The following RAP1A variants were observed in gnomAD, a reference collection of about 807,000 sequenced individuals.
RAP1A encodes ras-related protein Rap-1A.
In RAP1A, 6 loss-of-function variants were observed where a neutral mutation model predicts 26.4. That is an observed-to-expected ratio of 0.23 (90% CI 0.12 to 0.45). RAP1A has a LOEUF of 0.45. RAP1A is among the 20% of genes least tolerant of loss of function. The pLI, the probability that RAP1A is intolerant of heterozygous loss-of-function variation, is 0.99. For synonymous variants in RAP1A, 73 were observed against 79.4 expected (o/e 0.92, Z 0.43); for missense variants, 121 against 217.2 (o/e 0.56, Z 2.78).
intron 1 of RAP1A, among the ~76,000 whole-genome samples, chr1:111,589,287 A>G (rs1658430246): frequency 6.6e-6 from 1 of 152,170 alleles, no homozygotes; most frequent in African/African-American, 2.4e-5. Context: ...TGGGTATTTC[A>G]ATTTATCCAA....
intron 1 of RAP1A, among the ~76,000 whole-genome samples, chr1:111,681,845 A>G (rs1410532956): frequency 6.6e-6 from 1 of 152,216 alleles, no homozygotes; most frequent in Non-Finnish European, 1.5e-5. Flanking sequence ...AATACAGAGA[A>G]CATCACTAAG....
intron 1 of RAP1A, among the ~76,000 whole-genome samples, chr1:111,621,295 G>A (rs1659194394): frequency 6.6e-6 from 1 of 152,164 alleles, no homozygotes; most frequent in Non-Finnish European, 1.5e-5. Context: ...CCTATGTGTA[G>A]TTTTTCTTTC....
rs1661795342 is a variant in RAP1A, at chr1:111,695,341, A to T, written c.58A>T (p.Thr20Ser). ...GSGGVGKSALTVQFVQGIFVE... is the reference protein window; with the variant it reads ...GSGGVGKSALSVQFVQGIFVE... ...ATATTTCTCTTTTTTTTTCCCCCAG[A>T]CAGTTCAGTTTGTTCAGGGAATTTT... The change falls in exon 3 of 8, where the codon ACA becomes TCA. Residue 20 changes from threonine to serine, a missense_variant and splice_region_variant. By Grantham distance (58) the Thr-to-Ser change is moderately conservative. Coordinates refer to ENST00000369709, the MANE Select transcript of RAP1A (RefSeq NM_002884.4). 2 of 1,567,904 alleles carry T rather than the reference A, an allele frequency of 1.3e-6. No individual in the cohort carries two copies. The highest frequency in any genetic ancestry group is 1.7e-6 in the Non-Finnish European group (2 of 1,162,596).
At chr1:111,608,497 G>A (rs1450855238) in intron 1 of RAP1A, 7 of 168,528 alleles carry the variant, frequency 4.2e-5, no homozygotes, top group Non-Finnish European at 6.4e-5. Flanking sequence ...CCCAGACGGG[G>A]TGGCGGCCGG....
chr1:111,608,002 C>T (rs1339175824), intron 1 of RAP1A: 2 of 151,218 alleles, frequency 1.3e-5, no homozygotes, highest in Non-Finnish European at 2.9e-5. Context: ...GGGCTGACCC[C>T]CACCTCCCTC....
chr1:111,593,957 A>G (rs920435890), intron 1 of RAP1A, among the ~76,000 whole-genome samples: 1 of 152,160 alleles, frequency 6.6e-6, no homozygotes, highest in Non-Finnish European at 1.5e-5. Context: ...ATTTGATCAC[A>G]AGCTGTCTGG....
chr1:111,568,619 G>T (rs1373651210), intron 1 of RAP1A, among the ~76,000 whole-genome samples: 2 of 152,130 alleles, frequency 1.3e-5, no homozygotes, highest in East Asian at 1.9e-4. Context: ...CATTCATTAG[G>T]GAGGTAGCCT....
intron 1 of RAP1A, among the ~76,000 whole-genome samples, chr1:111,612,764 T>G (rs567311657): frequency 6.7e-4 from 102 of 152,330 alleles, no homozygotes; most frequent in South Asian, 1.2e-3. Flanking sequence ...ATTACCTCTA[T>G]AGTCAAGATC....
chr1:111,642,767 G>T (rs1301472842), intron 1 of RAP1A, among the ~76,000 whole-genome samples: 13 of 149,482 alleles, frequency 8.7e-5, no homozygotes, highest in Admixed American at 2.7e-4. Flanking sequence ...GATTACAGGC[G>T]TGAGCCGCCG....
intron 1 of RAP1A, among the ~76,000 whole-genome samples, chr1:111,596,181 A>G (rs901369515): frequency 6.6e-6 from 1 of 152,162 alleles, no homozygotes; most frequent in East Asian, 1.9e-4. Context: ...TCCAGGAGTC[A>G]CCATTATGGG....
chr1:111,651,117 A>G (rs538358844), intron 1 of RAP1A, among the ~76,000 whole-genome samples: 1 of 152,128 alleles, frequency 6.6e-6, no homozygotes, highest in East Asian at 1.9e-4. Flanking sequence ...TTATAGTTTC[A>G]TACAGATGGT....
Position 111,691,370 on chromosome 1 carries a change from T to C in RAP1A, c.10T>C (p.Tyr4His). 1 of 1,613,666 alleles carries C rather than the reference T, an allele frequency of 6.2e-7. No homozygotes were observed. Among genetic ancestry groups the C allele is most frequent in the Non-Finnish European group, 8.5e-7 (1 of 1,179,602 alleles). The part of the protein sequence containing the change: MRE[Y>H]KLVVLGSGGV... The stretch of plus-strand genomic sequence containing the variant: ...TTAAACAGATCACATCATGCGTGAG[T>C]ACAAGCTAGTGGTCCTTGGTTCAGG... Residue 4 changes from tyrosine (Y) to histidine (H), a missense_variant, in exon 2 of 8, where the codon TAC (tyrosine) becomes CAC (histidine). By Grantham distance (83) the Tyr-to-His change is moderately conservative. Transcript: ENST00000369709.
intron 1 of RAP1A, among the ~76,000 whole-genome samples, chr1:111,636,139 A>G (rs12033936): frequency 0.067 from 10,269 of 152,206 alleles, 400 homozygotes; most frequent in African/African-American, 0.085. Context: ...GATGTGCTGA[A>G]CAAGTCTGTT....
chr1:111,684,558 A>C (rs1182563847), intron 1 of RAP1A, among the ~76,000 whole-genome samples: 1 of 152,254 alleles, frequency 6.6e-6, no homozygotes, highest in African/African-American at 2.4e-5. Context: ...TAAAATACCT[A>C]GTAATGCAAC....
At chr1:111,603,646 G>A (rs1294923592) in intron 1 of RAP1A, among the ~76,000 whole-genome samples, 1 of 152,036 alleles carries the variant, frequency 6.6e-6, no homozygotes, top group African/African-American at 2.4e-5. Flanking sequence ...CCCAAGTTCG[G>A]GGCATGACCA....
At chr1:111,647,920 C>G (rs188464871) in intron 1 of RAP1A, among the ~76,000 whole-genome samples, 1 of 152,162 alleles carries the variant, frequency 6.6e-6, no homozygotes, top group African/African-American at 2.4e-5. Flanking sequence ...TCCTTTGAAC[C>G]CTGAACTTCA....
chr1:111,557,193 C>T (rs1350335869), intron 1 of RAP1A, among the ~76,000 whole-genome samples: 1 of 152,140 alleles, frequency 6.6e-6, no homozygotes, highest in Non-Finnish European at 1.5e-5. Context: ...GATGGAAAAG[C>T]ATCATTTCTT....
intron 1 of RAP1A, among the ~76,000 whole-genome samples, chr1:111,656,918 G>C (rs1323816120): frequency 6.6e-6 from 1 of 151,710 alleles, no homozygotes; most frequent in Admixed American, 6.6e-5. Flanking sequence ...TCACATTGTT[G>C]TGCAGACTTC....
intron 1 of RAP1A, among the ~76,000 whole-genome samples, chr1:111,642,856 C>T (rs977855067): frequency 7.0e-6 from 1 of 142,486 alleles, no homozygotes; most frequent in Non-Finnish European, 1.5e-5. Flanking sequence ...GATCTTGGCT[C>T]ACTCCTGGGT....
Sources: gnomAD v4.1 joint callset for allele counts (sites outside exome capture counted in the v4.1 genomes callset) on GRCh38, gnomAD v4.1.1 for gene constraint, MANE v1.5 for transcripts, NCBI Gene and HGNC (gene_info 2026-07-23, HGNC 2026-07-21) for gene names.